The following PHF11 variants were observed in gnomAD, a reference collection of about 807,000 sequenced individuals.
PHF11 encodes the protein PHD finger protein 11, also known as BRCA1 C-terminus-associated protein.
Under a neutral mutation model 40.5 loss-of-function variants are expected in PHF11, and 38 were observed. The ratio of observed to expected loss-of-function variants is 0.94; its 90% CI spans 0.72 to 1.23. The LOEUF (loss-of-function observed/expected upper bound fraction) is 1.23, where lower values mean the gene tolerates loss of function less well. Among genes scored for constraint, PHF11 ranks in the 50% most tolerant of loss-of-function variants. PHF11 has a pLI of 0.00. For missense variants in PHF11, 369 were observed against 392.4 expected, an observed-to-expected ratio of 0.94 and a Z score of 0.50; for synonymous variants, 127 against 138.2, an observed-to-expected ratio of 0.92 and a Z score of 0.57.
At chr13:49,499,885 C>G (rs1950079729) in intron 1 of PHF11, among the ~76,000 whole-genome samples, 1 of 152,182 alleles carries the variant, frequency 6.6e-6, no homozygotes, top group African/African-American at 2.4e-5. Context: ...GAATCCCATT[C>G]CAACTGTTTC....
At chr13:49,522,146 T>C (rs371821154) in intron 6 of PHF11, 39 bp downstream of exon 6, 23 of 1,016,690 alleles carry the variant, frequency 2.3e-5, no homozygotes, top group Non-Finnish European at 3.5e-5. Context: ...CATTTCTTCA[T>C]ACAGAGTCCT....
chr13:49,510,598 T>C (rs930677439), intron 2 of PHF11, among the ~76,000 whole-genome samples: 9 of 152,074 alleles, frequency 5.9e-5, no homozygotes, highest in African/African-American at 2.2e-4. Context: ...CCACCTCAGC[T>C]TGGACTACAA....
intron 1 of PHF11, among the ~76,000 whole-genome samples, chr13:49,498,793 G>A (rs143810437): frequency 3.3e-5 from 5 of 152,326 alleles, no homozygotes; most frequent in South Asian, 2.1e-4. Flanking sequence ...CTTCCACACC[G>A]CTGCCAGCAC....
intron 1 of PHF11, among the ~76,000 whole-genome samples, chr13:49,499,831 A>G (rs1958876199): frequency 6.6e-6 from 1 of 152,244 alleles, no homozygotes; most frequent in African/African-American, 2.4e-5. Context: ...GTCCAGAACA[A>G]ATCTATACTG....
intron 1 of PHF11, among the ~76,000 whole-genome samples, chr13:49,504,591 T>TGG (rs1433405390): frequency 9.9e-6 from 1 of 101,144 alleles, no homozygotes; most frequent in African/African-American, 5.1e-5. Context: ...GGGAGGGAGG[T>TGG]GGGGGGTCAG....
At chr13:49,521,524 C>G (rs1248504015) in intron 5 of PHF11, 3 of 978,452 alleles carry the variant, frequency 3.1e-6, no homozygotes, top group Non-Finnish European at 2.4e-6. Context: ...CCAAATAGCA[C>G]CTCTACAATC....
intron 2 of PHF11, among the ~76,000 whole-genome samples, chr13:49,508,233 T>C (rs1205443350): frequency 6.9e-6 from 1 of 145,352 alleles, no homozygotes; most frequent in East Asian, 2.0e-4. Flanking sequence ...TATATTATTG[T>C]GTTATGTATT....
intron 8 of PHF11, among the ~76,000 whole-genome samples, chr13:49,524,965 G>A (rs117926590): frequency 1.3e-5 from 2 of 152,104 alleles, no homozygotes; most frequent in South Asian, 2.1e-4. Context: ...AGATTGATTC[G>A]GTCACATATG....
chr13:49,511,397 G>A (rs1222587602), intron 2 of PHF11, among the ~76,000 whole-genome samples: 3 of 145,714 alleles, frequency 2.1e-5, no homozygotes, highest in Non-Finnish European at 1.5e-5. Flanking sequence ...CGCGATCTCG[G>A]CTCACTGCAC....
chr13:49,506,821 G>C (rs1324738373), intron 2 of PHF11, 65 bp downstream of exon 2: 3 of 1,054,828 alleles, frequency 2.8e-6, no homozygotes, highest in Non-Finnish European at 4.0e-6. Flanking sequence ...CATAAGAATA[G>C]ATAAACAACA....
At chr13:49,522,922 G>A (rs944276462) in intron 6 of PHF11, among the ~76,000 whole-genome samples, 1 of 151,604 alleles carries the variant, frequency 6.6e-6, no homozygotes, top group Non-Finnish European at 1.5e-5. Context: ...GCACCACCAC[G>A]CCTGGCTAAT....
rs115685050 is a variant in PHF11, at chr13:49,505,926, G to A, written c.95-709G>A. Among the ~76,000 whole-genome samples the A allele has an allele frequency of 7.9e-3, 1,198 of 152,178 alleles. 15 individuals are homozygous for A. The highest frequency in any genetic ancestry group is 0.027 in the African/African-American group (1,135 of 41,498). On this transcript the variant is annotated intron_variant, in intron 1 of 9. Transcript: ENST00000378319. Reference sequence around the variant, plus strand: ...TATTTTTGAATACAGTATGGCATTAGGATTCTAACTTTTTAAATAGATAAT... The same window carrying A: ...TATTTTTGAATACAGTATGGCATTAAGATTCTAACTTTTTAAATAGATAAT...
At chr13:49,516,608 T>C (rs550784060) in intron 3 of PHF11, among the ~76,000 whole-genome samples, 2 of 151,782 alleles carry the variant, frequency 1.3e-5, no homozygotes, top group South Asian at 4.2e-4. Context: ...GTTTTTGTTT[T>C]TGAAACAGAT....
chr13:49,525,840 G>GC, intron 8 of PHF11: 1 of 452,950 alleles, frequency 2.2e-6, no homozygotes. Context: ...AGATAGCTGG[G>GC]CCTATCCCAC....
intron 1 of PHF11, among the ~76,000 whole-genome samples, chr13:49,500,351 T>A (rs1958882792): frequency 6.6e-6 from 1 of 152,166 alleles, no homozygotes; most frequent in Non-Finnish European, 1.5e-5. Flanking sequence ...TAGGTATCCC[T>A]CCCTCTCTGA....
intron 2 of PHF11, among the ~76,000 whole-genome samples, chr13:49,512,613 T>C (rs1460697789): frequency 6.6e-6 from 1 of 152,236 alleles, no homozygotes; most frequent in East Asian, 1.9e-4. Flanking sequence ...GGGCATTTCA[T>C]GTTTCCTAAA....
At chr13:49,504,263 A>G (rs1371253976) in intron 1 of PHF11, among the ~76,000 whole-genome samples, 1 of 151,958 alleles carries the variant, frequency 6.6e-6, no homozygotes, top group African/African-American at 2.4e-5. Context: ...CCTGGGCAAC[A>G]TAATGGGACC....
chr13:49,499,274 G>A (rs747220685), intron 1 of PHF11, among the ~76,000 whole-genome samples: 7 of 152,174 alleles, frequency 4.6e-5, no homozygotes, highest in Non-Finnish European at 5.9e-5. Flanking sequence ...AGATGAGCAG[G>A]TCCTCTGGGA....
At chr13:49,512,855 T>C (rs1959096805) in intron 2 of PHF11, among the ~76,000 whole-genome samples, 1 of 152,192 alleles carries the variant, frequency 6.6e-6, no homozygotes, top group African/African-American at 2.4e-5. Context: ...GATTACAAAG[T>C]ATAAAACATG....
Sources: allele counts gnomAD v4.1 joint callset (sites outside exome capture counted in the v4.1 genomes callset), GRCh38; gene constraint gnomAD v4.1.1; transcripts MANE v1.5; gene names NCBI Gene and HGNC (gene_info 2026-07-23, HGNC 2026-07-21).